Variants in TENM2 observed in about 807,000 individuals in gnomAD.
TENM2 encodes the protein teneurin transmembrane protein 2, also known as teneurin-2.
A neutral mutation model predicts 245.2 loss-of-function variants in TENM2; 52 were observed. That is an observed-to-expected ratio of 0.21 (90% CI 0.17 to 0.27). TENM2 has a LOEUF of 0.27. Among genes scored for constraint, TENM2 ranks in the 10% least tolerant of loss-of-function variants. The pLI, the probability that TENM2 is intolerant of heterozygous loss-of-function variation, is 1.00. For synonymous variants in TENM2, 1,363 were observed against 1,438.9 expected, an observed-to-expected ratio of 0.95 and a Z score of 1.19; for missense variants, 3,046 against 3,666.8, an observed-to-expected ratio of 0.83 and a Z score of 4.37.
intron 2 of TENM2, among the ~76,000 whole-genome samples, chr5:167,630,455 A>G (rs1006633595): frequency 1.2e-4 from 19 of 152,320 alleles, no homozygotes; most frequent in Admixed American, 3.9e-4. Flanking sequence ...ATAATGTTAC[A>G]CAATTTAAAG....
rs981826649 is a variant in TENM2 at position 167,941,941 on chromosome 5, C to T, written c.713-10647C>T. ...TCAAAAAACAGGCCAGGCACAGTGG[C>T]TCACACCTGTAATCCCAGCACTTTG... On this transcript the variant is annotated intron_variant, in intron 3 of 28. Transcript: ENST00000518659. Among the ~76,000 whole-genome samples the T allele has an allele frequency of 3.3e-5, 5 of 151,538 alleles. No individual in the cohort carries two copies. The South Asian group carries it at 1.0e-3, about 32-fold the overall frequency.
chr5:168,161,883 CCTA>C (rs1286364867), intron 12 of TENM2, among the ~76,000 whole-genome samples: 1 of 151,692 alleles, frequency 6.6e-6, no homozygotes, highest in East Asian at 1.9e-4. Flanking sequence ...AAGAACTACT[CCTA>C]CCCCACCACC....
At chr5:168,037,314 T>G (rs1396314769) in intron 5 of TENM2, among the ~76,000 whole-genome samples, 1 of 142,468 alleles carries the variant, frequency 7.0e-6, no homozygotes, top group Non-Finnish European at 1.5e-5. Context: ...CATACAGGAT[T>G]TGCTCAACAT....
At chr5:167,376,110 G>A (rs1256100556) in intron 2 of TENM2, among the ~76,000 whole-genome samples, 1 of 152,146 alleles carries the variant, frequency 6.6e-6, no homozygotes, top group Non-Finnish European at 1.5e-5. Flanking sequence ...TTTCTAGGTG[G>A]ATTTTAATGA....
intron 2 of TENM2, among the ~76,000 whole-genome samples, chr5:167,783,634 A>C (rs1449285062): frequency 6.6e-6 from 1 of 152,166 alleles, no homozygotes; most frequent in Non-Finnish European, 1.5e-5. Context: ...CTTCCTCTAT[A>C]CTGACCTTAT....
intron 1 of TENM2, among the ~76,000 whole-genome samples, chr5:167,285,583 T>G (rs1311872734): frequency 6.6e-6 from 1 of 152,214 alleles, no homozygotes; most frequent in Non-Finnish European, 1.5e-5. Context: ...GGGAGGAGAA[T>G]ATTTTTCTCC....
chr5:167,031,044 G>A, the TENM2 span, among the ~76,000 whole-genome samples: 1 of 152,152 alleles, frequency 6.6e-6, no homozygotes, highest in African/African-American at 2.4e-5. Flanking sequence ...ATCTGGAATC[G>A]AACCTTTTAG....
At chr5:167,214,568 G>T in the TENM2 span, among the ~76,000 whole-genome samples, 1 of 152,062 alleles carries the variant, frequency 6.6e-6, no homozygotes, top group African/African-American at 2.4e-5. Context: ...TTTGATTTGG[G>T]TATGTAACCA....
chr5:167,755,314 G>T (rs1001843633), intron 2 of TENM2: 1 of 662,272 alleles, frequency 1.5e-6, no homozygotes, highest in South Asian at 2.4e-5. Flanking sequence ...GAGACTTGAC[G>T]GTGAAACTAT....
At chr5:166,984,636 G>A in the TENM2 span, among the ~76,000 whole-genome samples, 1 of 151,968 alleles carries the variant, frequency 6.6e-6, no homozygotes, top group Non-Finnish European at 1.5e-5. Flanking sequence ...GTAAATGTTG[G>A]AAATAGTCAA....
intron 2 of TENM2, among the ~76,000 whole-genome samples, chr5:167,755,712 CAG>C (rs1480765379): frequency 6.6e-6 from 1 of 152,092 alleles, no homozygotes. Context: ...AAAAGGAAGA[CAG>C]GGGAAATGAT....
the TENM2 span, among the ~76,000 whole-genome samples, chr5:167,039,500 A>G: frequency 1.2e-3 from 178 of 152,298 alleles, 1 homozygote; most frequent in African/African-American, 2.5e-3. Flanking sequence ...AAATAGTTCC[A>G]GTGGTAACAT....
At chr5:167,167,823 A>G in the TENM2 span, among the ~76,000 whole-genome samples, 14 of 152,280 alleles carry the variant, frequency 9.2e-5, no homozygotes, top group African/African-American at 1.9e-4. Context: ...AAAACACACA[A>G]TGAATGAATG....
intron 2 of TENM2, among the ~76,000 whole-genome samples, chr5:167,536,225 T>A (rs987090448): frequency 1.3e-5 from 2 of 152,004 alleles, no homozygotes; most frequent in East Asian, 3.9e-4. Flanking sequence ...ATATACAAAA[T>A]TTTTATCATA....
intron 14 of TENM2, among the ~76,000 whole-genome samples, chr5:168,191,999 A>G (rs542483894): frequency 6.6e-6 from 1 of 152,360 alleles, no homozygotes; most frequent in Admixed American, 6.5e-5. Flanking sequence ...TACTAAAAAT[A>G]AAATAGAAAA....
At chr5:167,748,901 A>C (rs1761767069) in intron 2 of TENM2, among the ~76,000 whole-genome samples, 1 of 152,048 alleles carries the variant, frequency 6.6e-6, no homozygotes, top group Non-Finnish European at 1.5e-5. Flanking sequence ...GTTCAAGATG[A>C]GATTTGGGTG....
chr5:168,154,158 A>AAAAAAAAAAAAAAAAAAAAAAC (rs1756924851), intron 12 of TENM2, among the ~76,000 whole-genome samples: 1 of 151,170 alleles, frequency 6.6e-6, no homozygotes, highest in East Asian at 1.9e-4. Flanking sequence ...AAAAAAAAAA[A>AAAAAAAAAAAAAAAAAAAAAAC]AAAAAAAACA....
At chr5:167,567,328 T>G (rs1433190207) in intron 2 of TENM2, among the ~76,000 whole-genome samples, 1 of 152,084 alleles carries the variant, frequency 6.6e-6, no homozygotes, top group Admixed American at 6.6e-5. Context: ...GGGTGAAAAA[T>G]CTTTCTTAAG....
chr5:167,390,493 A>T (rs190168643), intron 2 of TENM2, among the ~76,000 whole-genome samples: 44 of 152,288 alleles, frequency 2.9e-4, no homozygotes, highest in Non-Finnish European at 5.0e-4. Flanking sequence ...CTTTGATTCA[A>T]TGAGGTTAGT....
Sources: allele counts gnomAD v4.1 joint callset (sites outside exome capture counted in the v4.1 genomes callset), GRCh38; gene constraint gnomAD v4.1.1; transcripts MANE v1.5; gene names NCBI Gene and HGNC (gene_info 2026-07-23, HGNC 2026-07-21).